Variants in HHAT observed in about 807,000 individuals in gnomAD.
HHAT encodes protein-cysteine N-palmitoyltransferase HHAT.
A neutral mutation model predicts 70.8 loss-of-function variants in HHAT; 47 were observed. That is an observed-to-expected ratio of 0.66 (90% CI 0.53 to 0.85). The LOEUF (loss-of-function observed/expected upper bound fraction) is 0.85, where lower values mean the gene tolerates loss of function less well. Ranked by LOEUF, HHAT falls within the 40% of genes least tolerant of loss-of-function variation. The probability of loss-of-function intolerance (pLI) is 0.00; values close to 1 mark genes in which losing one functional copy is unlikely to be tolerated. For missense variants in HHAT, 609 were observed against 604.8 expected (o/e 1.01, Z -0.07); for synonymous variants, 228 against 247.6 (o/e 0.92, Z 0.74).
At chr1:210,437,600 A>G (rs573251554) in intron 7 of HHAT, among the ~76,000 whole-genome samples, 5 of 151,932 alleles carry the variant, frequency 3.3e-5, no homozygotes, top group African/African-American at 9.7e-5. Flanking sequence ...CATTGCAGCT[A>G]CTTTGGTGAT....
intron 8 of HHAT, among the ~76,000 whole-genome samples, chr1:210,509,916 T>A (rs554640417): frequency 3.2e-4 from 48 of 152,312 alleles, no homozygotes; most frequent in African/African-American, 1.2e-3. Flanking sequence ...GGAGTTAGAA[T>A]TAGTTCTCAG....
chr1:210,639,508 C>T (rs12060806), intron 11 of HHAT, among the ~76,000 whole-genome samples: 2 of 152,262 alleles, frequency 1.3e-5, no homozygotes, highest in African/African-American at 2.4e-5. Context: ...ACATAGCCAG[C>T]GTCTTGCTGA....
intron 1 of HHAT, among the ~76,000 whole-genome samples, chr1:210,333,684 G>A (rs1478502323): frequency 6.6e-6 from 1 of 150,938 alleles, no homozygotes; most frequent in Non-Finnish European, 1.5e-5. Flanking sequence ...CTGAGACAGC[G>A]TCTCACTATG....
intron 3 of HHAT, among the ~76,000 whole-genome samples, chr1:210,363,761 G>GTTTGT (rs887738016): frequency 3.3e-5 from 5 of 152,126 alleles, no homozygotes; most frequent in Non-Finnish European, 7.4e-5. Flanking sequence ...TATCAGAGCA[G>GTTTGT]TTTGTTTTGT....
At chr1:210,450,142 T>A (rs1200321259) in intron 7 of HHAT, among the ~76,000 whole-genome samples, 1 of 151,868 alleles carries the variant, frequency 6.6e-6, no homozygotes, top group Non-Finnish European at 1.5e-5. Context: ...ACTACAAAAA[T>A]TAGCGGGGCA....
intron 10 of HHAT, among the ~76,000 whole-genome samples, chr1:210,615,455 G>GT (rs1667499736): frequency 1.3e-5 from 2 of 152,150 alleles, no homozygotes; most frequent in Admixed American, 6.5e-5. Context: ...TTCATTCTCC[G>GT]TCCAGCTTTG....
rs1460961767 is a variant in HHAT, at chr1:210,409,235, CAG to C, written c.684+4559_684+4560del. ...CATGACCACTTTACAGACAGGGAAA[CAG>C]AGGCAAAGAGAGGCTATTACAATGC... On this transcript the variant is annotated intron_variant, in intron 6 of 11. Coordinates refer to ENST00000261458, the MANE Select transcript of HHAT (RefSeq NM_018194.6). Among the ~76,000 whole-genome samples, 6 of 152,232 alleles carry C rather than the reference CAG, an allele frequency of 3.9e-5. No homozygotes were observed. In the South Asian group the frequency reaches 1.0e-3, roughly 26 times the overall value.
At chr1:210,463,832 G>A (rs1308375273) in intron 7 of HHAT, among the ~76,000 whole-genome samples, 1 of 152,144 alleles carries the variant, frequency 6.6e-6, no homozygotes, top group Non-Finnish European at 1.5e-5. Context: ...CTGACTTTTC[G>A]ATTCTAGTTA....
At chr1:210,541,597 C>T (rs917528257) in intron 9 of HHAT, among the ~76,000 whole-genome samples, 4 of 152,108 alleles carry the variant, frequency 2.6e-5, no homozygotes, top group Admixed American at 6.5e-5. Context: ...TGTGGTGGCG[C>T]GTGCCTGTAA....
chr1:210,629,919 T>G (rs1384898268), intron 11 of HHAT, among the ~76,000 whole-genome samples: 1 of 151,640 alleles, frequency 6.6e-6, no homozygotes, highest in African/African-American at 2.4e-5. Context: ...CTCAGCTCAC[T>G]GCAACCTCCG....
intron 8 of HHAT, among the ~76,000 whole-genome samples, chr1:210,495,266 A>G (rs921761968): frequency 1.3e-5 from 2 of 150,852 alleles, no homozygotes; most frequent in African/African-American, 2.4e-5. Context: ...TATATTTTCC[A>G]TAAAGATTTT....
At chr1:210,455,388 T>C (rs2093842872) in intron 7 of HHAT, among the ~76,000 whole-genome samples, 1 of 152,214 alleles carries the variant, frequency 6.6e-6, no homozygotes, top group Non-Finnish European at 1.5e-5. Context: ...GTTGTGCTCT[T>C]TGAGGCTGGA....
intron 8 of HHAT, among the ~76,000 whole-genome samples, chr1:210,479,951 A>G (rs937058150): frequency 6.6e-6 from 1 of 152,156 alleles, no homozygotes; most frequent in Non-Finnish European, 1.5e-5. Context: ...CGGTCAAGGT[A>G]CTTAACTTAT....
In HHAT at chr1:210,386,230, C is replaced by CTTTCTTTTTTTTTTTTTTTT. The variant is rs1324452281; in HGVS notation, c.160-1235_160-1234insCTTTTTTTTTTTTTTTTTTT. 4.5e-3 allele frequency among the ~76,000 whole-genome samples: 313 copies of CTTTCTTTTTTTTTTTTTTTT among 69,904 alleles called. 50 individuals are homozygous for CTTTCTTTTTTTTTTTTTTTT. The highest frequency in any genetic ancestry group is 5.4e-3 in the Non-Finnish European group (209 of 38,692). The allele number at this position is 69,904 out of a possible 152,430, so 45.9% of individuals were successfully genotyped here. A position where few individuals can be genotyped will look rare whatever the true frequency, so the allele number is the denominator to read the frequency against. ...ATTGCAGGAGTCCTTTTCTTTTTTT[C>CTTTCTTTTTTTTTTTTTTTT]TTTTTTTTTTTTTTTTTTTTTTTTT... On this transcript the variant is annotated intron_variant, in intron 3 of 11. Transcript: ENST00000261458.
intron 7 of HHAT, among the ~76,000 whole-genome samples, chr1:210,440,461 C>G (rs1020751346): frequency 1.2e-4 from 18 of 151,710 alleles, no homozygotes; most frequent in African/African-American, 3.7e-4. Flanking sequence ...TAGCCCACCC[C>G]AGAAAGGCTT....
At chr1:210,545,924 G>T (rs1314806166) in intron 9 of HHAT, among the ~76,000 whole-genome samples, 3 of 152,154 alleles carry the variant, frequency 2.0e-5, no homozygotes, top group African/African-American at 7.2e-5. Flanking sequence ...GTATAATTTT[G>T]CTTATGTCAC....
intron 9 of HHAT, among the ~76,000 whole-genome samples, chr1:210,519,867 A>G (rs751525120): frequency 6.8e-6 from 1 of 146,580 alleles, no homozygotes; most frequent in African/African-American, 2.5e-5. Context: ...AGCTATTCCA[A>G]CTGGGGTGGG....
At chr1:210,554,573 A>C (rs1196013180) in intron 9 of HHAT, among the ~76,000 whole-genome samples, 2 of 152,106 alleles carry the variant, frequency 1.3e-5, no homozygotes, top group Non-Finnish European at 2.9e-5. Flanking sequence ...AGTGTGCATG[A>C]GTGTGCAATG....
chr1:210,435,736 G>A (rs7535223), intron 7 of HHAT, among the ~76,000 whole-genome samples: 49,841 of 151,498 alleles, frequency 0.33, 8,888 homozygotes, highest in Admixed American at 0.47. Context: ...ACACTTTTTC[G>A]TATATTTTTT....
Sources: gnomAD v4.1 joint callset for allele counts (sites outside exome capture counted in the v4.1 genomes callset) on GRCh38, gnomAD v4.1.1 for gene constraint, MANE v1.5 for transcripts, NCBI Gene and HGNC (gene_info 2026-07-23, HGNC 2026-07-21) for gene names.